The following COBL variants were observed in gnomAD, a reference collection of about 807,000 sequenced individuals.
The protein encoded by COBL is protein cordon-bleu.
In COBL, 51 loss-of-function variants were observed where a neutral mutation model predicts 98.8. The observed-to-expected ratio is 0.52, with a 90% CI of 0.41 to 0.65. The LOEUF is 0.65. COBL is among the 30% of genes least tolerant of loss of function. The pLI, the probability that COBL is intolerant of heterozygous loss-of-function variation, is 0.00. For missense variants in COBL, 1,617 were observed against 1,617.5 expected (o/e 1.00, Z 0.01); for synonymous variants, 634 against 651.7 (o/e 0.97, Z 0.41).
intron 5 of COBL, among the ~76,000 whole-genome samples, chr7:51,176,963 C>T (rs1788432257): frequency 6.6e-6 from 1 of 152,086 alleles, no homozygotes; most frequent in Non-Finnish European, 1.5e-5. Context: ...GTAAATGAGG[C>T]TAGTTTTAAA....
chr7:51,105,015 G>A (rs1414728215), intron 6 of COBL, among the ~76,000 whole-genome samples: 4 of 152,010 alleles, frequency 2.6e-5, no homozygotes, highest in Admixed American at 2.6e-4. Flanking sequence ...ACTTAAGCAG[G>A]GAAGGGGACG....
chr7:51,033,262 G>T (rs2189432), intron 8 of COBL: 67,042 of 152,040 alleles, frequency 0.44, 16,775 homozygotes, highest in African/African-American at 0.68. Context: ...CAAAAATCAC[G>T]TTATCTTTGT....
At position 51,277,209 on chromosome 7, in the gene COBL, G is replaced by A. The variant is rs117811874; in HGVS notation, c.41+39384C>T. On this transcript the variant is annotated intron_variant, in intron 1 of 12. Coordinates refer to ENST00000265136, the MANE Select transcript of COBL (RefSeq NM_015198.5). The stretch of plus-strand genomic sequence containing the variant: ...TGCGCAGGGACCCAAGCCAATGACC[G>A]ACTAAGTTAAAATGGGCTAGGTCTG... Among the ~76,000 whole-genome samples the A allele has an allele frequency of 2.9e-4, 44 of 152,282 alleles. No homozygotes were observed. In the East Asian group the frequency reaches 7.3e-3, roughly 25 times the overall value.
At chr7:51,270,848 A>AAC (rs61348085) in intron 1 of COBL, among the ~76,000 whole-genome samples, 1,987 of 152,250 alleles carry the variant, frequency 0.013, 29 homozygotes, top group African/African-American at 0.045. Flanking sequence ...CCAAAAAAAA[A>AAC]CAAGAAATCA....
chr7:51,050,936 G>C (rs1790175806), intron 7 of COBL, among the ~76,000 whole-genome samples: 1 of 152,070 alleles, frequency 6.6e-6, no homozygotes. Context: ...TAACATTATG[G>C]TATTTCTATT....
chr7:51,293,624 T>C (rs906360181), intron 1 of COBL, among the ~76,000 whole-genome samples: 2 of 152,204 alleles, frequency 1.3e-5, no homozygotes, highest in African/African-American at 2.4e-5. Context: ...TTCAAGGGTG[T>C]CACACACATC....
intron 6 of COBL, among the ~76,000 whole-genome samples, chr7:51,098,224 C>CTTTTTTT (rs551768231): frequency 0.014 from 1,446 of 100,818 alleles, 172 homozygotes; most frequent in Non-Finnish European, 0.021. Context: ...ATAGCAGTTT[C>CTTTTTTT]TTTTTTTTTT....
chr7:51,157,864 C>T (rs1786347470), intron 5 of COBL, among the ~76,000 whole-genome samples: 1 of 152,142 alleles, frequency 6.6e-6, no homozygotes, highest in African/African-American at 2.4e-5. Context: ...TTAGCTGTTG[C>T]ACAATGCACT....
At position 51,081,513 on chromosome 7, in the gene COBL, G is replaced by C. The variant is rs531574710; in HGVS notation, c.1096+3653C>G. 1.6e-3 allele frequency among the ~76,000 whole-genome samples: 245 copies of C among 151,118 alleles called. 1 individual carries two copies. The highest frequency in any genetic ancestry group is 5.4e-3 in the African/African-American group (223 of 41,500). On this transcript the variant is annotated intron_variant, in intron 7 of 12. Coordinates refer to ENST00000265136, the MANE Select transcript of COBL (RefSeq NM_015198.5). ...TCTGCAGAGATGCAGGAGGAAGCCT[G>C]ATGCTGCCTTGGTAAGTACCCCTCC...
intron 7 of COBL, chr7:51,083,122 C>T (rs960245521): frequency 6.5e-7 from 1 of 1,531,238 alleles, no homozygotes; most frequent in African/African-American, 1.4e-5. Context: ...GAGGCTCCAC[C>T]ACGTCTGTGT....
chr7:51,268,981 G>A (rs10263581), intron 1 of COBL, among the ~76,000 whole-genome samples: 7,193 of 151,436 alleles, frequency 0.047, 567 homozygotes, highest in African/African-American at 0.16. Context: ...GACACAGCTG[G>A]AGCTGGAGCA....
chr7:51,191,085 G>C lies in COBL; in HGVS notation c.457-7C>G, dbSNP rs1343914490. On this transcript the variant is annotated splice_polypyrimidine_tract_variant and splice_region_variant and intron_variant, in intron 3 of 12. Transcript: ENST00000265136. ...CGACCAAACGCACAGATTTCTGGAA[G>C]AACACACAGGCAAAAAGAATTCAGT... The C allele has an allele frequency of 7.4e-6, 12 of 1,612,436 alleles. No homozygotes were observed. The highest frequency in any genetic ancestry group is 1.0e-5 in the Non-Finnish European group (12 of 1,179,234).
intron 2 of COBL, among the ~76,000 whole-genome samples, chr7:51,205,496 C>G (rs942530314): frequency 2.7e-5 from 4 of 150,596 alleles, no homozygotes; most frequent in Non-Finnish European, 5.9e-5. Flanking sequence ...TTATCTCACT[C>G]TATACAGAAA....
chr7:51,287,767 A>C (rs905826455), intron 1 of COBL, among the ~76,000 whole-genome samples: 3 of 152,160 alleles, frequency 2.0e-5, no homozygotes, highest in Admixed American at 2.0e-4. Flanking sequence ...GTAAACAAAC[A>C]GTGGTGGACC....
chr7:51,028,921 G>A lies in COBL; in HGVS notation c.2175C>T (p.Ser725=). 1 of 1,614,154 alleles carries A rather than the reference G, an allele frequency of 6.2e-7. No homozygotes were observed. The highest frequency in any genetic ancestry group is 8.5e-7 in the Non-Finnish European group (1 of 1,180,040). ...CAATCTTAATGGCTCCGGTGGAGAG[G>A]GACACATCTCTGTCGTAACATCGCA... is the stretch of plus-strand genomic sequence containing the variant. ...SEMRCYDRDV[S]LSTGAIKIDE... Residue 725 remains serine, a synonymous_variant, in exon 10 of 13, where the codon TCC becomes TCT. Transcript: ENST00000265136.
chr7:51,256,846 A>C (rs1365880350), intron 1 of COBL, among the ~76,000 whole-genome samples: 1 of 152,230 alleles, frequency 6.6e-6, no homozygotes, highest in Non-Finnish European at 1.5e-5. Flanking sequence ...TCCCGGATTT[A>C]CTGCTTAAAG....
intron 6 of COBL, among the ~76,000 whole-genome samples, chr7:51,090,133 G>A (rs1348509844): frequency 2.0e-5 from 3 of 152,090 alleles, no homozygotes; most frequent in Admixed American, 1.3e-4. Context: ...TCAGTGAAGA[G>A]ACAAGATCCT....
chr7:51,156,540 T>A (rs760033262), intron 5 of COBL: 5 of 985,032 alleles, frequency 5.1e-6, no homozygotes, highest in Admixed American at 6.2e-5. Context: ...CCAGAATATA[T>A]CATCTCGGAT....
chr7:51,156,898 A>C (rs144232394), intron 5 of COBL, among the ~76,000 whole-genome samples: 258 of 152,290 alleles, frequency 1.7e-3, no homozygotes, highest in Non-Finnish European at 3.4e-3. Context: ...CCCCTCTCAG[A>C]GAGGGAGCCA....
Sources: allele counts gnomAD v4.1 joint callset (sites outside exome capture counted in the v4.1 genomes callset), GRCh38; gene constraint gnomAD v4.1.1; transcripts MANE v1.5; gene names NCBI Gene and HGNC (gene_info 2026-07-23, HGNC 2026-07-21).